The following GLE1 variants were observed in gnomAD, a reference collection of about 807,000 sequenced individuals.
GLE1 encodes the protein GLE1 RNA export mediator.
In GLE1, 78 loss-of-function variants were observed where a neutral mutation model predicts 97.3. The observed-to-expected ratio is 0.80, with a 90% confidence interval of 0.67 to 0.97. The LOEUF is 0.97. GLE1 is among the 50% of genes least tolerant of loss of function. The pLI, the probability that GLE1 is intolerant of heterozygous loss-of-function variation, is 0.00. For synonymous variants in GLE1, 302 were observed against 313.4 expected (o/e 0.96, Z 0.39); for missense variants, 753 against 857.5 (o/e 0.88, Z 1.52).
chr9:128,539,940 G>A, intron 14 of GLE1: 1 of 1,099,354 alleles, frequency 9.1e-7, no homozygotes, highest in Non-Finnish European at 1.3e-6. Flanking sequence ...GAGCACAGTG[G>A]CTTATGCCTA....
chr9:128,521,755 A>C (rs1847158896), intron 3 of GLE1, among the ~76,000 whole-genome samples: 1 of 152,164 alleles, frequency 6.6e-6, no homozygotes, highest in Admixed American at 6.6e-5. Flanking sequence ...TCCAGTGAGC[A>C]TTCTTGTACA....
At chr9:128,517,177 T>C in intron 3 of GLE1, among the ~76,000 whole-genome samples, 1 of 151,520 alleles carries the variant, frequency 6.6e-6, no homozygotes, top group East Asian at 1.9e-4. Context: ...ATAATACTAG[T>C]TACTGGGGAG....
At chr9:128,520,974 C>T (rs894852295) in intron 3 of GLE1, among the ~76,000 whole-genome samples, 7 of 151,948 alleles carry the variant, frequency 4.6e-5, no homozygotes, top group African/African-American at 1.7e-4. Flanking sequence ...GTTGCCCAGG[C>T]TGGTCTCGAA....
chr9:128,516,271 C>G (rs915956624), intron 3 of GLE1, among the ~76,000 whole-genome samples: 3 of 150,810 alleles, frequency 2.0e-5, no homozygotes, highest in African/African-American at 7.3e-5. Context: ...ACCTTAGCCT[C>G]TTGAAAAAAT....
intron 3 of GLE1, among the ~76,000 whole-genome samples, chr9:128,520,723 T>G (rs2132448061): frequency 6.6e-6 from 1 of 151,818 alleles, no homozygotes; most frequent in South Asian, 2.1e-4. Flanking sequence ...TTGGGTTTTC[T>G]CAGCTCTGCT....
chr9:128,513,425 C>G (rs767014323), intron 2 of GLE1, among the ~76,000 whole-genome samples: 15 of 151,966 alleles, frequency 9.9e-5, no homozygotes, highest in African/African-American at 1.7e-4. Context: ...ATATCCATGT[C>G]AGGTGTGTTA....
intron 2 of GLE1, among the ~76,000 whole-genome samples, chr9:128,512,748 AC>A (rs1305680391): frequency 6.6e-6 from 1 of 151,432 alleles, no homozygotes; most frequent in Non-Finnish European, 1.5e-5. Flanking sequence ...ACTCACTGCA[AC>A]CCCAGGTTCA....
Position 128,540,332 on chromosome 9 carries a change from C to T in GLE1, c.2022C>T (p.Phe674=), listed in dbSNP as rs746138340. 2 of 1,603,756 alleles carry T rather than the reference C, an allele frequency of 1.2e-6. No individual in the cohort carries two copies. The highest frequency in any genetic ancestry group is 8.5e-7 in the Non-Finnish European group (1 of 1,170,612). The change falls in exon 15 of 16, where the codon TTC becomes TTT. Residue 674 remains phenylalanine (F), a synonymous_variant. Transcript: ENST00000309971. ...GCTCCTTCATACGCCTCAAGCAGTT[C>T]TTGGAGGTAAGATGCCCTTAGACCA... The part of the protein sequence containing the change: ...QMGSFIRLKQ[F]LEKCLQHKDI...
intron 3 of GLE1, 74 bp from the exon 4 acceptor site, chr9:128,522,594 T>G: frequency 6.8e-7 from 1 of 1,468,768 alleles, no homozygotes; most frequent in Non-Finnish European, 9.0e-7. Flanking sequence ...GAGGTTGCAG[T>G]GAGCTGCACT....
At chr9:128,505,504 C>G (rs565455207) in intron 1 of GLE1, among the ~76,000 whole-genome samples, 177 of 152,264 alleles carry the variant, frequency 1.2e-3, no homozygotes, top group African/African-American at 4.1e-3. Flanking sequence ...AAAGTATTTC[C>G]CTGTCTTTTA....
intron 11 of GLE1, among the ~76,000 whole-genome samples, chr9:128,535,450 A>T (rs936401426): frequency 1.4e-5 from 2 of 140,554 alleles, no homozygotes; most frequent in Non-Finnish European, 3.0e-5. Flanking sequence ...TGTACCCAGG[A>T]GGTGGAGGTT....
intron 13 of GLE1, among the ~76,000 whole-genome samples, chr9:128,538,676 A>T (rs1409945753): frequency 6.6e-6 from 1 of 152,164 alleles, no homozygotes; most frequent in African/African-American, 2.4e-5. Context: ...CACACCTGTC[A>T]TCCCAGCTAC....
At chr9:128,531,337 GGC>G (rs1162275830) in intron 9 of GLE1, among the ~76,000 whole-genome samples, 2 of 151,510 alleles carry the variant, frequency 1.3e-5, no homozygotes, top group Non-Finnish European at 1.5e-5. Context: ...AGACCAGCCT[GGC>G]CAATGTGGTG....
At chr9:128,538,334 A>C (rs1847784463) in intron 13 of GLE1, among the ~76,000 whole-genome samples, 1 of 152,174 alleles carries the variant, frequency 6.6e-6, no homozygotes, top group South Asian at 2.1e-4. Context: ...ACATTCTAGC[A>C]AAAGTGAAAA....
chr9:128,539,666 G>A lies in GLE1; in HGVS notation c.1932G>A (p.Met644Ile), dbSNP rs1407300846. The change falls in exon 14 of 16, where the codon ATG becomes ATA. Residue 644 changes from methionine to isoleucine, a missense_variant. Met to Ile is a conservative substitution (Grantham distance 10). Transcript: ENST00000309971. ...MKQYQVQFWK[M>I]LILIKEDYFP... is the part of the protein sequence containing the mutation. ...AATACCAGGTTCAGTTCTGGAAGAT[G>A]CTAATTCTCATCAAAGAGGACTACT... The A allele has an allele frequency of 3.7e-6, 6 of 1,611,722 alleles. No homozygotes were observed. The highest frequency in any genetic ancestry group is 5.1e-6 in the Non-Finnish European group (6 of 1,177,824).
At chr9:128,539,763 AG>A in intron 14 of GLE1, 65 bp downstream of exon 14, 1 of 1,613,124 alleles carries the variant, frequency 6.2e-7, no homozygotes, top group Non-Finnish European at 8.5e-7. Context: ...CAGATACCCA[AG>A]GGTGCTATTA....
chr9:128,509,165 T>C, intron 2 of GLE1, 68 bp downstream of exon 2: 1 of 925,622 alleles, frequency 1.1e-6, no homozygotes, highest in Non-Finnish European at 1.8e-6. Context: ...AATATTGTCA[T>C]ATGACAGTGA....
Position 128,504,886 on chromosome 9 carries a change from C to T in GLE1, c.81C>T (p.Asp27=). 1 of 1,610,674 alleles carries T rather than the reference C, an allele frequency of 6.2e-7. No individual in the cohort carries two copies. The highest frequency in any genetic ancestry group is 1.1e-5 in the South Asian group (1 of 91,042). Residue 27 remains aspartate (D), a synonymous_variant, in exon 1 of 16, where the codon GAC becomes GAT. Transcript: ENST00000309971. ...AAGGTCGCCTTTGCTACTACCGCGA[C>T]TGGCTGCTGCGGCGCGAGGTGAGCG... The part of the protein sequence containing the change: ...SDKGRLCYYR[D]WLLRREDVLE...
At chr9:128,518,808 C>T (rs1205562143) in intron 3 of GLE1, among the ~76,000 whole-genome samples, 1 of 149,332 alleles carries the variant, frequency 6.7e-6, no homozygotes, top group Non-Finnish European at 1.5e-5. Context: ...GCGGAGTTTG[C>T]AGTGAGCCAA....
Sources: gnomAD v4.1 joint callset for allele counts (sites outside exome capture counted in the v4.1 genomes callset) on GRCh38, gnomAD v4.1.1 for gene constraint, MANE v1.5 for transcripts, NCBI Gene and HGNC (gene_info 2026-07-23, HGNC 2026-07-21) for gene names.